PRTFDC1: variants seen among roughly 807,000 people sequenced by gnomAD.
PRTFDC1 encodes the protein phosphoribosyltransferase domain-containing protein 1.
A neutral mutation model predicts 34.6 loss-of-function variants in PRTFDC1; 38 were observed. The observed-to-expected ratio is 1.10, with a 90% confidence interval of 0.85 to 1.44. The LOEUF (loss-of-function observed/expected upper bound fraction) is 1.44. Among genes scored for constraint, PRTFDC1 ranks in the 40% most tolerant of loss-of-function variants. PRTFDC1 has a pLI of 0.00. For missense variants in PRTFDC1, 270 were observed against 283.0 expected (o/e 0.95, Z 0.33); for synonymous variants, 93 against 98.1 (o/e 0.95, Z 0.31).
At position 24,942,525 on chromosome 10, in the gene PRTFDC1, C is replaced by A. The variant is rs542004558; in HGVS notation, c.49-89G>T. 1.2e-4 allele frequency: 128 copies of A among 1,070,856 alleles called. 1 individual carries two copies. The East Asian group carries it at 2.6e-3, about 22-fold the overall frequency. 66.3% of individuals were successfully genotyped at this position (1,070,856 alleles called of 1,614,324 possible). On this transcript the variant is annotated intron_variant, in intron 1 of 8. Coordinates refer to ENST00000320152, the MANE Select transcript of PRTFDC1 (RefSeq NM_020200.7). ...AAGAGTATCACTTGAGAGGAGAATT[C>A]CCTCAACTTATGAAAAGTTTAGTGG...
chr10:24,918,888 C>T lies in PRTFDC1; in HGVS notation c.339+18296G>A, dbSNP rs77516266. 3.8e-3 allele frequency among the ~76,000 whole-genome samples: 575 copies of T among 152,256 alleles called. 22 individuals are homozygous for T. The East Asian group carries it at 0.086, about 23-fold the overall frequency. On this transcript the variant is annotated intron_variant, in intron 3 of 8. Coordinates refer to ENST00000320152, the MANE Select transcript of PRTFDC1 (RefSeq NM_020200.7). ...GAACGGTGGTAATGGGGCCCTCCTT[C>T]TGGGAAGCAGTGTGGAAAGACTGTG...
In PRTFDC1 at chr10:24,879,505, G is replaced by A. The variant is rs543932289; in HGVS notation, c.340-7442C>T. Among the ~76,000 whole-genome samples the A allele has an allele frequency of 1.1e-4, 17 of 151,934 alleles. No individual in the cohort carries two copies. In the South Asian group the frequency reaches 3.5e-3, roughly 32 times the overall value. On this transcript the variant is annotated intron_variant, in intron 3 of 8. Coordinates refer to ENST00000320152, the MANE Select transcript of PRTFDC1 (RefSeq NM_020200.7). Reference sequence around the variant, plus strand: ...ATTACAGGTGCGTGCCACCATGCCCGGCTGATTTTTTTGTATTTTTAGTAG... The same window carrying A: ...ATTACAGGTGCGTGCCACCATGCCCAGCTGATTTTTTTGTATTTTTAGTAG...
At chr10:24,888,577 C>T (rs1234102673) in intron 3 of PRTFDC1, among the ~76,000 whole-genome samples, 1 of 152,184 alleles carries the variant, frequency 6.6e-6, no homozygotes, top group African/African-American at 2.4e-5. Flanking sequence ...GTTTTCCACT[C>T]TCCCAAGCTT....
chr10:24,931,869 G>T (rs1393202336), intron 3 of PRTFDC1, among the ~76,000 whole-genome samples: 2 of 144,138 alleles, frequency 1.4e-5, no homozygotes, highest in Non-Finnish European at 1.5e-5. Flanking sequence ...TATTTTAAAA[G>T]ACCAATATAA....
intron 3 of PRTFDC1, among the ~76,000 whole-genome samples, chr10:24,931,427 T>A (rs1848969974): frequency 6.7e-6 from 1 of 149,726 alleles, no homozygotes; most frequent in Non-Finnish European, 1.5e-5. Flanking sequence ...AAAGAGAAAA[T>A]CGAGAAAGCA....
At chr10:24,896,340 G>A (rs946325265) in intron 3 of PRTFDC1, among the ~76,000 whole-genome samples, 1 of 152,152 alleles carries the variant, frequency 6.6e-6, no homozygotes, top group African/African-American at 2.4e-5. Context: ...GATGATCTGA[G>A]GTGGAAGAGT....
intron 3 of PRTFDC1, among the ~76,000 whole-genome samples, chr10:24,889,672 T>A (rs1028111157): frequency 2.0e-5 from 3 of 152,172 alleles, no homozygotes; most frequent in African/African-American, 7.2e-5. Context: ...CTTCTCCAGG[T>A]CTCAAATGAG....
intron 3 of PRTFDC1, 95 bp from the exon 4 acceptor site, chr10:24,872,158 T>G: frequency 9.2e-7 from 1 of 1,085,402 alleles, no homozygotes; most frequent in Non-Finnish European, 1.4e-6. Flanking sequence ...GGCCGGAATG[T>G]GCCTTACAAA....
chr10:24,855,851 A>G (rs1256882792), intron 6 of PRTFDC1, among the ~76,000 whole-genome samples: 1 of 152,116 alleles, frequency 6.6e-6, no homozygotes, highest in Non-Finnish European at 1.5e-5. Context: ...AGCCAGGCAC[A>G]GTAGCTCATG....
At chr10:24,909,871 C>T (rs1848600159) in intron 3 of PRTFDC1, among the ~76,000 whole-genome samples, 1 of 152,072 alleles carries the variant, frequency 6.6e-6, no homozygotes, top group African/African-American at 2.4e-5. Context: ...TAAATTTTGG[C>T]CAGGCGTGTT....
intron 3 of PRTFDC1, among the ~76,000 whole-genome samples, chr10:24,875,520 G>C (rs1238516494): frequency 6.6e-6 from 1 of 151,820 alleles, no homozygotes; most frequent in Non-Finnish European, 1.5e-5. Context: ...TCTGTGCCTG[G>C]CTTATTTCAC....
intron 3 of PRTFDC1, among the ~76,000 whole-genome samples, chr10:24,903,321 T>C (rs1023765111): frequency 2.6e-5 from 4 of 152,232 alleles, no homozygotes; most frequent in Non-Finnish European, 5.9e-5. Context: ...CCCTATAAAG[T>C]GAAGACTAAT....
chr10:24,876,436 C>T (rs61854266), intron 3 of PRTFDC1, among the ~76,000 whole-genome samples: 18,476 of 152,042 alleles, frequency 0.12, 1,400 homozygotes, highest in South Asian at 0.22. Flanking sequence ...TGGCTCACAA[C>T]TGTAATCCCA....
chr10:24,870,146 G>T (rs1204899341), intron 4 of PRTFDC1, among the ~76,000 whole-genome samples: 1 of 152,170 alleles, frequency 6.6e-6, no homozygotes, highest in Non-Finnish European at 1.5e-5. Context: ...GTCTTGTTCT[G>T]TCGCCCAGGC....
intron 3 of PRTFDC1, among the ~76,000 whole-genome samples, chr10:24,907,073 G>A (rs1427428809): frequency 2.6e-5 from 4 of 152,122 alleles, no homozygotes; most frequent in African/African-American, 9.7e-5. Context: ...GGGGCCAGGT[G>A]CGGTGGCTCA....
At chr10:24,916,804 T>C (rs1282210760) in intron 3 of PRTFDC1, among the ~76,000 whole-genome samples, 1 of 152,226 alleles carries the variant, frequency 6.6e-6, no homozygotes, top group Non-Finnish European at 1.5e-5. Flanking sequence ...ACCTAGAATG[T>C]AAAATCCTGA....
intron 3 of PRTFDC1, among the ~76,000 whole-genome samples, chr10:24,931,485 A>G (rs183280474): frequency 6.6e-6 from 1 of 152,206 alleles, no homozygotes; most frequent in East Asian, 1.9e-4. Flanking sequence ...ACCTTTAGGC[A>G]TACTGGTGAA....
chr10:24,891,115 C>G (rs1490742033), intron 3 of PRTFDC1, among the ~76,000 whole-genome samples: 3 of 152,110 alleles, frequency 2.0e-5, no homozygotes, highest in African/African-American at 7.2e-5. Context: ...TATTTACTGA[C>G]CAGTTATGCC....
intron 3 of PRTFDC1, among the ~76,000 whole-genome samples, chr10:24,905,349 G>T (rs1221725780): frequency 5.3e-4 from 66 of 124,568 alleles, no homozygotes; most frequent in African/African-American, 2.0e-3. Flanking sequence ...TTTTTAGACA[G>T]TCTCACTCTG....
Sources: gnomAD v4.1 joint callset for allele counts (sites outside exome capture counted in the v4.1 genomes callset) on GRCh38, gnomAD v4.1.1 for gene constraint, MANE v1.5 for transcripts, NCBI Gene and HGNC (gene_info 2026-07-23, HGNC 2026-07-21) for gene names.